The following TLE4 variants were observed in gnomAD, a reference collection of about 807,000 sequenced individuals.
TLE4 encodes the protein TLE family member 4, transcriptional corepressor.
In TLE4, 8 loss-of-function variants were observed where a neutral mutation model predicts 92.8. The ratio of observed to expected loss-of-function variants is 0.09; its 90% confidence interval spans 0.05 to 0.16. TLE4 has a LOEUF of 0.16. TLE4 is among the 10% of genes least tolerant of loss of function. The pLI is 1.00. For synonymous variants in TLE4, 371 were observed against 374.1 expected, an observed-to-expected ratio of 0.99 and a Z score of 0.10; for missense variants, 675 against 997.6, an observed-to-expected ratio of 0.68 and a Z score of 4.36.
chr9:79,667,534 A>G (rs766795382), intron 8 of TLE4, among the ~76,000 whole-genome samples: 1 of 152,222 alleles, frequency 6.6e-6, no homozygotes, highest in Non-Finnish European at 1.5e-5. Context: ...ATAAAACATT[A>G]AAGATAATCT....
chr9:79,715,314 T>G (rs1436201520), intron 14 of TLE4, among the ~76,000 whole-genome samples: 1 of 152,188 alleles, frequency 6.6e-6, no homozygotes, highest in Non-Finnish European at 1.5e-5. Flanking sequence ...TCCTTTAAGA[T>G]TTAGTCTTCA....
At chr9:79,712,109 GTGTGTTCATTCAGTGCCACATT>G (rs572045469) in intron 14 of TLE4, among the ~76,000 whole-genome samples, 71 of 152,282 alleles carry the variant, frequency 4.7e-4, no homozygotes, top group African/African-American at 1.6e-3. Flanking sequence ...ATAATATGTT[GTGTGTTCATTCAGTGCCACATT>G]TGTTACATGG....
chr9:79,689,423 G>A lies in TLE4; in HGVS notation c.610-15360G>A, dbSNP rs537996419. Among the ~76,000 whole-genome samples the A allele has an allele frequency of 3.9e-5, 6 of 151,906 alleles. No homozygotes were observed. In the South Asian group the frequency reaches 1.2e-3, roughly 32 times the overall value. ...TTGACCTTGGCGATGAGTATCCTTG[G>A]CTTTTACCACAGTTTGCTTAATACC... is the stretch of plus-strand genomic sequence containing the variant. On this transcript the variant is annotated intron_variant, in intron 8 of 19. Coordinates refer to ENST00000376552, the MANE Select transcript of TLE4 (RefSeq NM_007005.6).
chr9:79,680,705 A>C (rs1217929598), intron 8 of TLE4, among the ~76,000 whole-genome samples: 1 of 152,152 alleles, frequency 6.6e-6, no homozygotes, highest in East Asian at 1.9e-4. Flanking sequence ...GTCTTGTGCC[A>C]GTTTTCAAAG....
chr9:79,698,859 TTATATATATATACATATA>T lies in TLE4; in HGVS notation c.610-5912_610-5895del, dbSNP rs1222905254. Reference sequence around the variant, plus strand: ...CTTTTTTCCAATTGAGGATTATTTCTTATATATATATACATATATATATATATATGTATATCCTGGTGG... The same window carrying T: ...CTTTTTTCCAATTGAGGATTATTTCTTATATATATATGTATATCCTGGTGG... On this transcript the variant is annotated intron_variant, in intron 8 of 19. Transcript: ENST00000376552. Among the ~76,000 whole-genome samples the T allele has an allele frequency of 2.7e-5, 4 of 146,338 alleles. No homozygotes were observed. In the East Asian group the frequency reaches 7.8e-4, roughly 29 times the overall value.
chr9:79,709,944 T>A (rs183706619), intron 14 of TLE4, among the ~76,000 whole-genome samples: 1 of 152,370 alleles, frequency 6.6e-6, no homozygotes, highest in Non-Finnish European at 1.5e-5. Context: ...AGTAGTCAGG[T>A]CTTCTCTACA....
At chr9:79,681,083 A>C (rs11138327) in intron 8 of TLE4, among the ~76,000 whole-genome samples, 81,014 of 151,908 alleles carry the variant, frequency 0.53, 24,354 homozygotes, top group East Asian at 0.74. Flanking sequence ...TTGGTCTAAA[A>C]TTCTCTGTTT....
intron 8 of TLE4, among the ~76,000 whole-genome samples, chr9:79,670,014 A>G (rs1236791031): frequency 6.6e-6 from 1 of 152,192 alleles, no homozygotes; most frequent in African/African-American, 2.4e-5. Context: ...CATGAGGAAG[A>G]AACCCCTGAA....
At chr9:79,619,128 T>C (rs972059823) in intron 5 of TLE4, among the ~76,000 whole-genome samples, 27 of 152,166 alleles carry the variant, frequency 1.8e-4, no homozygotes, top group Admixed American at 7.2e-4. Context: ...TAGAAAATAA[T>C]AGTCAATTAC....
At chr9:79,665,463 GC>G (rs1226982898) in intron 8 of TLE4, among the ~76,000 whole-genome samples, 1 of 152,166 alleles carries the variant, frequency 6.6e-6, no homozygotes, top group Non-Finnish European at 1.5e-5. Flanking sequence ...ATTTCTCAGA[GC>G]TTCTGGTGAG....
intron 8 of TLE4, chr9:79,693,647 C>T (rs374368933): frequency 1.9e-6 from 1 of 518,050 alleles, no homozygotes; most frequent in African/African-American, 1.9e-5. Context: ...GAGACAAACT[C>T]AACCACAAAA....
intron 8 of TLE4, among the ~76,000 whole-genome samples, chr9:79,703,484 T>G (rs1018549489): frequency 1.3e-5 from 2 of 152,236 alleles, no homozygotes; most frequent in Non-Finnish European, 2.9e-5. Flanking sequence ...CTTTTTTCAC[T>G]TCTTCATCCA....
At chr9:79,580,532 A>G (rs1201481171) in intron 4 of TLE4, among the ~76,000 whole-genome samples, 1 of 152,160 alleles carries the variant, frequency 6.6e-6, no homozygotes, top group Non-Finnish European at 1.5e-5. Flanking sequence ...ACTGCTTGCT[A>G]TGAAGTTTGT....
At chr9:79,668,129 T>C (rs1466019632) in intron 8 of TLE4, among the ~76,000 whole-genome samples, 3 of 152,226 alleles carry the variant, frequency 2.0e-5, no homozygotes, top group Non-Finnish European at 4.4e-5. Flanking sequence ...TATTGACCCA[T>C]CTAGTTACTG....
At chr9:79,672,424 G>A (rs902187957) in intron 8 of TLE4, among the ~76,000 whole-genome samples, 2 of 152,064 alleles carry the variant, frequency 1.3e-5, no homozygotes, top group African/African-American at 4.8e-5. Context: ...TCTGGCAAAG[G>A]TTTAGGAGAT....
At chr9:79,661,019 T>C (rs1452627031) in intron 8 of TLE4, among the ~76,000 whole-genome samples, 1 of 152,238 alleles carries the variant, frequency 6.6e-6, no homozygotes, top group Non-Finnish European at 1.5e-5. Flanking sequence ...ATTTTCATAC[T>C]GATGTTTAGT....
rs762418946 is a variant in TLE4, at chr9:79,705,944, T to TA, written c.783+3dup. 1.2e-6 allele frequency: 2 copies of TA among 1,614,130 alleles called. No homozygotes were observed. Among genetic ancestry groups the TA allele is most frequent in the Non-Finnish European group, 1.7e-6 (2 of 1,179,962 alleles). Reference sequence around the variant, plus strand: ...TTGGTGGTTGACGTTTCCAATGAGGTATGTTTGTGGCTACTTTAATTTTTT... The same window carrying TA: ...TTGGTGGTTGACGTTTCCAATGAGGTAATGTTTGTGGCTACTTTAATTTTTT... On this transcript the variant is annotated splice_region_variant and intron_variant, in intron 10 of 19. Transcript: ENST00000376552.
In TLE4 at chr9:79,606,187, G is replaced by GTTTTTTTTTTTTTTTTTTTTTTTTTTTT. The variant is rs71364420; in HGVS notation, c.253-6458_253-6431dup. Reference sequence around the variant, plus strand: ...ATTGCTTTATTAAGCAGTAGTAGTTGTTTTTTTTTTTTTTTTTTTTTTTTT... The same window carrying GTTTTTTTTTTTTTTTTTTTTTTTTTTTT: ...ATTGCTTTATTAAGCAGTAGTAGTTGTTTTTTTTTTTTTTTTTTTTTTTTTTTTTTTTTTTTTTTTTTTTTTTTTTTTT... On this transcript the variant is annotated intron_variant, in intron 4 of 19. Transcript: ENST00000376552. 2.1e-4 allele frequency among the ~76,000 whole-genome samples: 6 copies of GTTTTTTTTTTTTTTTTTTTTTTTTTTTT among 28,714 alleles called. 2 individuals are homozygous for GTTTTTTTTTTTTTTTTTTTTTTTTTTTT. The highest frequency in any genetic ancestry group is 2.7e-4 in the African/African-American group (2 of 7,496). 18.8% of individuals were successfully genotyped at this position (28,714 alleles called of 152,430 possible).
At chr9:79,706,201 C>T (rs1588473270) in intron 10 of TLE4, among the ~76,000 whole-genome samples, 2 of 152,064 alleles carry the variant, frequency 1.3e-5, no homozygotes, top group Admixed American at 6.6e-5. Flanking sequence ...CGTGCCACCA[C>T]GCTTGGCTCA....
Sources: allele counts gnomAD v4.1 joint callset (sites outside exome capture counted in the v4.1 genomes callset), GRCh38; gene constraint gnomAD v4.1.1; transcripts MANE v1.5; gene names NCBI Gene and HGNC (gene_info 2026-07-23, HGNC 2026-07-21).